ESRRG: variants seen among roughly 807,000 people sequenced by gnomAD.
ESRRG encodes estrogen related receptor gamma.
In ESRRG, 13 loss-of-function variants were observed where a neutral mutation model predicts 44.0. The ratio of observed to expected loss-of-function variants is 0.30; its 90% CI spans 0.19 to 0.47. The LOEUF (loss-of-function observed/expected upper bound fraction) is 0.47. ESRRG is among the 20% of genes least tolerant of loss of function. The pLI is 1.00. For missense variants in ESRRG, 395 were observed against 580.6 expected (o/e 0.68, Z 3.29); for synonymous variants, 215 against 214.6 (o/e 1.00, Z -0.02).
intron 2 of ESRRG, among the ~76,000 whole-genome samples, chr1:216,818,477 G>A (rs1486435494): frequency 1.3e-5 from 2 of 152,140 alleles, no homozygotes; most frequent in African/African-American, 2.4e-5. Flanking sequence ...AAAAAGAAAC[G>A]GCACACTGGT....
chr1:216,781,729 A>G (rs2093943881), intron 2 of ESRRG, among the ~76,000 whole-genome samples: 1 of 152,016 alleles, frequency 6.6e-6, no homozygotes, highest in Admixed American at 6.6e-5. Flanking sequence ...TCAGAAAGCC[A>G]AGCATGTAAT....
intron 3 of ESRRG, among the ~76,000 whole-genome samples, chr1:216,591,995 T>C (rs1370005618): frequency 6.6e-6 from 1 of 152,182 alleles, no homozygotes; most frequent in Non-Finnish European, 1.5e-5. Context: ...ACCAAGATAA[T>C]GTCATCAGTA....
intron 1 of ESRRG, among the ~76,000 whole-genome samples, chr1:216,686,609 A>G (rs923568803): frequency 6.6e-6 from 1 of 150,652 alleles, no homozygotes; most frequent in Non-Finnish European, 1.5e-5. Context: ...TAAATATAAA[A>G]TGCCATTCTA....
intron 3 of ESRRG, among the ~76,000 whole-genome samples, chr1:216,576,747 T>G (rs1443392282): frequency 2.0e-5 from 3 of 152,018 alleles, no homozygotes; most frequent in South Asian, 4.1e-4. Flanking sequence ...ACAGGAGAGA[T>G]GTTGCTCTAC....
At chr1:216,584,722 T>G (rs1158948492) in intron 3 of ESRRG, among the ~76,000 whole-genome samples, 1 of 152,224 alleles carries the variant, frequency 6.6e-6, no homozygotes, top group Admixed American at 6.5e-5. Context: ...CTACATGTAC[T>G]TTACTTGCTA....
At chr1:216,878,878 A>T (rs527881050) in intron 2 of ESRRG, among the ~76,000 whole-genome samples, 6 of 152,336 alleles carry the variant, frequency 3.9e-5, no homozygotes, top group African/African-American at 1.4e-4. Flanking sequence ...TCTTCCACAT[A>T]AGTTTCAGAT....
chr1:216,667,648 T>C (rs1352433227), intron 2 of ESRRG, among the ~76,000 whole-genome samples: 1 of 125,756 alleles, frequency 8.0e-6, no homozygotes, highest in Non-Finnish European at 1.6e-5. Flanking sequence ...ATCACCCCAT[T>C]GCCCTACAGC....
Position 216,696,705 on chromosome 1 carries a change from C to T in ESRRG, c.57-19214G>A, listed in dbSNP as rs548801869. Among the ~76,000 whole-genome samples, 10 of 152,016 alleles carry T rather than the reference C, an allele frequency of 6.6e-5. No individual in the cohort carries two copies. The South Asian group carries it at 2.1e-3, about 32-fold the overall frequency. On this transcript the variant is annotated intron_variant, in intron 1 of 6. Coordinates refer to ENST00000408911, the MANE Select transcript of ESRRG (RefSeq NM_001438.4). ...AAGGAGAAGCTGACTTATTTCACAC[C>T]ATGGAAAACTGGAGCTAGATATTAG...
At chr1:216,747,467 T>C (rs964954435) in intron 2 of ESRRG, among the ~76,000 whole-genome samples, 3 of 152,154 alleles carry the variant, frequency 2.0e-5, no homozygotes, top group Admixed American at 6.6e-5. Flanking sequence ...AATGATAGAT[T>C]GGGTGAAATC....
intron 1 of ESRRG, among the ~76,000 whole-genome samples, chr1:216,980,080 A>G (rs1175859936): frequency 1.3e-5 from 2 of 152,088 alleles, no homozygotes; most frequent in Non-Finnish European, 2.9e-5. Flanking sequence ...TCACTTTCCA[A>G]TCCCAATTCT....
chr1:216,602,244 CT>C (rs2059348923), intron 3 of ESRRG, among the ~76,000 whole-genome samples: 1 of 152,152 alleles, frequency 6.6e-6, no homozygotes, highest in Non-Finnish European at 1.5e-5. Context: ...CATGGTTCCT[CT>C]TCCATTACAT....
intron 1 of ESRRG, among the ~76,000 whole-genome samples, chr1:216,979,301 C>T (rs1308108921): frequency 6.6e-6 from 1 of 152,100 alleles, no homozygotes; most frequent in Admixed American, 6.6e-5. Flanking sequence ...CCTCTCCTCC[C>T]AACTCTCAAC....
chr1:216,607,367 G>T (rs11590373), intron 3 of ESRRG, among the ~76,000 whole-genome samples: 30,217 of 152,196 alleles, frequency 0.2, 3,828 homozygotes, highest in Non-Finnish European at 0.29. Flanking sequence ...CAAGAACACT[G>T]CGGCATCAGC....
At chr1:216,889,936 G>A (rs1039551595) in intron 2 of ESRRG, among the ~76,000 whole-genome samples, 2 of 152,140 alleles carry the variant, frequency 1.3e-5, no homozygotes, top group African/African-American at 4.8e-5. Flanking sequence ...AGCCCAGCAT[G>A]CAGATTGAAT....
At chr1:216,923,576 G>C (rs533736732) in intron 2 of ESRRG, among the ~76,000 whole-genome samples, 1 of 152,160 alleles carries the variant, frequency 6.6e-6, no homozygotes, top group Non-Finnish European at 1.5e-5. Context: ...TGATTAACTG[G>C]ACTGTTGGTG....
rs191123920 is a variant in ESRRG, at chr1:216,571,273, T to C, written c.590-3175A>G. On this transcript the variant is annotated intron_variant, in intron 3 of 6. Coordinates refer to ENST00000408911, the MANE Select transcript of ESRRG (RefSeq NM_001438.4). ...GCCTGGCCAACATGGCGAGAACCCATCTCTACTAAAAATATAAAATTTAGT... is the reference window on the plus strand; with the variant it reads ...GCCTGGCCAACATGGCGAGAACCCACCTCTACTAAAAATATAAAATTTAGT... 1.3e-3 allele frequency among the ~76,000 whole-genome samples: 198 copies of C among 152,204 alleles called. 1 individual carries two copies. Among genetic ancestry groups the C allele is most frequent in the African/African-American group, 4.6e-3 (189 of 41,526 alleles).
chr1:216,907,064 C>T (rs976708400), intron 2 of ESRRG, among the ~76,000 whole-genome samples: 6 of 152,166 alleles, frequency 3.9e-5, no homozygotes, highest in African/African-American at 9.7e-5. Flanking sequence ...GGACCCGTCA[C>T]ACTGGGAGAA....
chr1:217,006,152 A>T (rs1340779348), intron 1 of ESRRG, among the ~76,000 whole-genome samples: 1 of 152,172 alleles, frequency 6.6e-6, no homozygotes, highest in Non-Finnish European at 1.5e-5. Context: ...TCTACAATAC[A>T]GTGTAGAAAA....
chr1:216,744,189 C>A (rs901178359), intron 2 of ESRRG, among the ~76,000 whole-genome samples: 1 of 152,178 alleles, frequency 6.6e-6, no homozygotes, highest in African/African-American at 2.4e-5. Context: ...CCGTTAGAGT[C>A]TCTTCCTCTG....
Sources: allele counts gnomAD v4.1 joint callset (sites outside exome capture counted in the v4.1 genomes callset), GRCh38; gene constraint gnomAD v4.1.1; transcripts MANE v1.5; gene names NCBI Gene and HGNC (gene_info 2026-07-23, HGNC 2026-07-21).